Variants in TACR1 observed in about 807,000 individuals in gnomAD.
The protein encoded by TACR1 is substance-P receptor.
TACR1 carries 25 observed loss-of-function variants against 35.8 expected under a neutral mutation model. That is an observed-to-expected ratio of 0.70 (90% CI 0.51 to 0.98). The LOEUF (loss-of-function observed/expected upper bound fraction) is 0.98. Ranked by LOEUF, TACR1 falls within the 50% of genes least tolerant of loss-of-function variation. The probability of loss-of-function intolerance (pLI) is 0.00; values close to 1 mark genes in which losing one functional copy is unlikely to be tolerated. For synonymous variants in TACR1, 195 were observed against 206.7 expected (o/e 0.94, Z 0.48); for missense variants, 478 against 522.9 (o/e 0.91, Z 0.84).
intron 2 of TACR1, among the ~76,000 whole-genome samples, chr2:75,100,669 T>G (rs1673518702): frequency 6.6e-6 from 1 of 152,200 alleles, no homozygotes; most frequent in Non-Finnish European, 1.5e-5. Flanking sequence ...GTGTGATAGG[T>G]CATTGTTTTA....
intron 1 of TACR1, among the ~76,000 whole-genome samples, chr2:75,164,229 A>G (rs529393122): frequency 2.0e-5 from 3 of 151,970 alleles, no homozygotes; most frequent in African/African-American, 7.2e-5. Flanking sequence ...CGGGAGGCTG[A>G]GGCAGGAGAA....
At chr2:75,078,489 T>G (rs1460992467) in intron 2 of TACR1, among the ~76,000 whole-genome samples, 1 of 152,162 alleles carries the variant, frequency 6.6e-6, no homozygotes, top group Non-Finnish European at 1.5e-5. Flanking sequence ...AATAAGAGTT[T>G]AATTTCTATT....
Position 75,062,825 on chromosome 2 carries a change from A to G in TACR1, c.585-9070T>C, listed in dbSNP as rs1047276549. Among the ~76,000 whole-genome samples the G allele has an allele frequency of 7.9e-5, 12 of 152,394 alleles. 1 individual carries two copies. Among genetic ancestry groups the G allele is most frequent in the Middle Eastern group, 3.4e-3 (1 of 294 alleles). ...GTATCATAGTTTTTGCCAACATGAT[A>G]GGTCATACATGGTTCTCTACTTTAA... On this transcript the variant is annotated intron_variant, in intron 2 of 4. Coordinates refer to ENST00000305249, the MANE Select transcript of TACR1 (RefSeq NM_001058.4).
In TACR1 at chr2:75,114,635, TTTC is replaced by T. The variant is rs536792112; in HGVS notation, c.584+5936_584+5938del. 2.6e-4 allele frequency among the ~76,000 whole-genome samples: 40 copies of T among 152,174 alleles called. 2 individuals are homozygous for T. In the East Asian group the frequency reaches 6.2e-3, roughly 23 times the overall value. The stretch of plus-strand genomic sequence containing the variant: ...TCAGTGCATTTTGCAAAGTCAAATT[TTTC>T]TTCTTTATACATTCACCTTTCTTTC... On this transcript the variant is annotated intron_variant, in intron 2 of 4. Coordinates refer to ENST00000305249, the MANE Select transcript of TACR1 (RefSeq NM_001058.4).
chr2:75,118,035 C>T (rs1213357260), intron 2 of TACR1, among the ~76,000 whole-genome samples: 1 of 152,134 alleles, frequency 6.6e-6, no homozygotes, highest in South Asian at 2.1e-4. Context: ...GGGAGCTGAT[C>T]GCTCATCTAA....
chr2:75,135,405 T>C (rs996817394), intron 1 of TACR1, among the ~76,000 whole-genome samples: 1 of 152,202 alleles, frequency 6.6e-6, no homozygotes, highest in African/African-American at 2.4e-5. Flanking sequence ...CCTTGCTATC[T>C]TTGTAACTTC....
At position 75,047,317 on chromosome 2, in the gene TACR1, A is replaced by T. The variant is rs1293531750; in HGVS notation, c.*2115T>A. ...AATTCTGTGGAGAATCTGTCCTCTC[A>T]GATGCCTCCAAGACTGCTGGGCAGC... On this transcript the variant is annotated 3_prime_UTR_variant, in exon 5 of 5. Coordinates refer to ENST00000305249, the MANE Select transcript of TACR1 (RefSeq NM_001058.4). 6.6e-6 allele frequency: 1 copy of T among 152,236 alleles called. No homozygotes were observed. Among genetic ancestry groups the T allele is most frequent in the Non-Finnish European group, 1.5e-5 (1 of 68,062 alleles). The allele number at this position is 152,236 out of a possible 1,614,324, so 9.4% of individuals were successfully genotyped here. A position where few individuals can be genotyped will look rare whatever the true frequency, so the allele number is the denominator to read the frequency against.
intron 2 of TACR1, among the ~76,000 whole-genome samples, chr2:75,098,230 T>C (rs1286874885): frequency 2.0e-5 from 3 of 152,206 alleles, no homozygotes; most frequent in Admixed American, 2.0e-4. Context: ...CATAGATTGC[T>C]TTTAGTGCTT....
At chr2:75,064,752 T>C (rs1386602487) in intron 2 of TACR1, among the ~76,000 whole-genome samples, 1 of 152,218 alleles carries the variant, frequency 6.6e-6, no homozygotes, top group African/African-American at 2.4e-5. Context: ...CCGATTCAGC[T>C]CCTCAAATCT....
At chr2:75,170,218 A>G (rs1321397604) in intron 1 of TACR1, among the ~76,000 whole-genome samples, 1 of 152,176 alleles carries the variant, frequency 6.6e-6, no homozygotes, top group African/African-American at 2.4e-5. Flanking sequence ...GGTCTTTCCC[A>G]TGCTGTTCTT....
chr2:75,049,813 A>G (rs552002095), intron 4 of TACR1, 90 bp from the exon 5 acceptor site: 77 of 1,365,072 alleles, frequency 5.6e-5, no homozygotes, highest in South Asian at 4.1e-4. Flanking sequence ...ACACATGGAC[A>G]TACCCAAGCG....
chr2:75,120,508 C>G (rs987785992), intron 2 of TACR1, 66 bp downstream of exon 2: 14 of 1,416,682 alleles, frequency 9.9e-6, no homozygotes, highest in Non-Finnish European at 1.2e-5. Flanking sequence ...AAAGAAAGAG[C>G]AAGAAGGGGC....
At chr2:75,167,346 T>G (rs1000661570) in intron 1 of TACR1, among the ~76,000 whole-genome samples, 1 of 151,726 alleles carries the variant, frequency 6.6e-6, no homozygotes, top group Non-Finnish European at 1.5e-5. Flanking sequence ...AAACAGAGAG[T>G]AGCATGGTGT....
chr2:75,168,145 TTTA>T (rs1675189696), intron 1 of TACR1, among the ~76,000 whole-genome samples: 1 of 152,226 alleles, frequency 6.6e-6, no homozygotes, highest in African/African-American at 2.4e-5. Flanking sequence ...ATACTTGTTG[TTTA>T]TTATTTTAAA....
At chr2:75,119,500 G>C (rs1673922934) in intron 2 of TACR1, among the ~76,000 whole-genome samples, 1 of 152,206 alleles carries the variant, frequency 6.6e-6, no homozygotes, top group Admixed American at 6.5e-5. Context: ...CATTATCCAT[G>C]TGCTCTGAGT....
chr2:75,192,447 G>A lies in TACR1; in HGVS notation c.389+6099C>T, dbSNP rs115137354. Among the ~76,000 whole-genome samples, 1,180 of 152,276 alleles carry A rather than the reference G, an allele frequency of 7.7e-3. 9 individuals are homozygous for A. Among genetic ancestry groups the A allele is most frequent in the Middle Eastern group, 0.021 (6 of 292 alleles). On this transcript the variant is annotated intron_variant, in intron 1 of 4. Transcript: ENST00000305249. ...ATAATTTATTGAATTTAACAAATGG[G>A]AAAAATAGAGTAGAATATTTAAGCA...
chr2:75,117,367 A>G (rs1433094882), intron 2 of TACR1, among the ~76,000 whole-genome samples: 1 of 152,244 alleles, frequency 6.6e-6, no homozygotes, highest in Non-Finnish European at 1.5e-5. Flanking sequence ...TTCACAAAAC[A>G]TTTTATGTAA....
In TACR1 at chr2:75,183,165, G is replaced by A. The variant is rs142699456; in HGVS notation, c.389+15381C>T. On this transcript the variant is annotated intron_variant, in intron 1 of 4. Transcript: ENST00000305249. ...CAAAGTCATGATAAAAAGAAAATGT[G>A]CCAAACTTGACTTGTATTAAAAATA... Among the ~76,000 whole-genome samples the A allele has an allele frequency of 1.8e-3, 269 of 152,208 alleles. 1 individual carries two copies. Among genetic ancestry groups the A allele is most frequent in the African/African-American group, 6.2e-3 (259 of 41,534 alleles).
At chr2:75,093,587 C>T (rs1673352030) in intron 2 of TACR1, among the ~76,000 whole-genome samples, 1 of 152,204 alleles carries the variant, frequency 6.6e-6, no homozygotes, top group South Asian at 2.1e-4. Flanking sequence ...GCCCACCCAT[C>T]TGCGTAGACT....
Sources: allele counts gnomAD v4.1 joint callset (sites outside exome capture counted in the v4.1 genomes callset), GRCh38; gene constraint gnomAD v4.1.1; transcripts MANE v1.5; gene names NCBI Gene and HGNC (gene_info 2026-07-23, HGNC 2026-07-21).